The following XPR1 variants were observed in gnomAD, a reference collection of about 807,000 sequenced individuals.
XPR1 encodes xenotropic and polytropic retrovirus receptor 1.
In XPR1, 28 loss-of-function variants were observed where a neutral mutation model predicts 87.5. The observed-to-expected ratio is 0.32, with a 90% CI of 0.24 to 0.44. The LOEUF (loss-of-function observed/expected upper bound fraction) is 0.44, where lower values mean the gene tolerates loss of function less well. Ranked by LOEUF, XPR1 falls within the 20% of genes least tolerant of loss-of-function variation. XPR1 has a pLI of 1.00. For synonymous variants in XPR1, 300 were observed against 306.1 expected (o/e 0.98, Z 0.21); for missense variants, 559 against 862.3 (o/e 0.65, Z 4.41).
At chr1:180,727,862 A>G (rs1350024168) in intron 2 of XPR1, among the ~76,000 whole-genome samples, 1 of 152,184 alleles carries the variant, frequency 6.6e-6, no homozygotes, top group Non-Finnish European at 1.5e-5. Flanking sequence ...GTAAACTGTC[A>G]TGGTGCTGGT....
At chr1:180,645,127 A>T (rs1571672016) in intron 1 of XPR1, among the ~76,000 whole-genome samples, 1 of 152,232 alleles carries the variant, frequency 6.6e-6, no homozygotes, top group Non-Finnish European at 1.5e-5. Context: ...TCTCAGACAC[A>T]CTTTTAAGTC....
At chr1:180,756,354 C>T (rs1339830383) in intron 2 of XPR1, among the ~76,000 whole-genome samples, 1 of 152,210 alleles carries the variant, frequency 6.6e-6, no homozygotes, top group African/African-American at 2.4e-5. Flanking sequence ...CGTGATATCT[C>T]ATTGCAGTTT....
chr1:180,840,664 G>A (rs1027338481), intron 11 of XPR1, among the ~76,000 whole-genome samples: 6 of 150,284 alleles, frequency 4.0e-5, no homozygotes, highest in Non-Finnish European at 7.4e-5. Context: ...TAGATGGACC[G>A]TTGGTTATAT....
At chr1:180,645,142 G>T (rs1053191560) in intron 1 of XPR1, among the ~76,000 whole-genome samples, 2 of 152,212 alleles carry the variant, frequency 1.3e-5, no homozygotes, top group African/African-American at 4.8e-5. Context: ...TAAGTCCACC[G>T]TCATTTGTGA....
At chr1:180,873,660 A>C (rs1188998411) in intron 12 of XPR1, 143 bp from the exon 13 acceptor site, 7 of 921,734 alleles carry the variant, frequency 7.6e-6, no homozygotes. Flanking sequence ...ACTTCCCTGC[A>C]AAATAAAGTA....
intron 2 of XPR1, among the ~76,000 whole-genome samples, chr1:180,726,876 T>C (rs1658370576): frequency 6.6e-6 from 1 of 150,878 alleles, no homozygotes; most frequent in South Asian, 2.1e-4. Flanking sequence ...TATGTTTTCT[T>C]TCTTTTTTTT....
At chr1:180,686,527 T>C (rs1326059235) in intron 2 of XPR1, among the ~76,000 whole-genome samples, 3 of 152,194 alleles carry the variant, frequency 2.0e-5, no homozygotes, top group African/African-American at 7.2e-5. Context: ...CTGAGTTCAA[T>C]TCCTGGGTAT....
At chr1:180,761,584 C>T (rs1361523737) in intron 2 of XPR1, among the ~76,000 whole-genome samples, 1 of 152,178 alleles carries the variant, frequency 6.6e-6, no homozygotes, top group Admixed American at 6.5e-5. Flanking sequence ...CCATCTCACA[C>T]CAGTTAGAAT....
chr1:180,675,107 A>G (rs1177493962), intron 1 of XPR1, among the ~76,000 whole-genome samples: 1 of 152,236 alleles, frequency 6.6e-6, no homozygotes, highest in Admixed American at 6.5e-5. Context: ...TATCTGAGAC[A>G]TGTCTTAATC....
chr1:180,657,915 T>C (rs970171035), intron 1 of XPR1, among the ~76,000 whole-genome samples: 2 of 152,210 alleles, frequency 1.3e-5, no homozygotes, highest in African/African-American at 4.8e-5. Flanking sequence ...TTCCAATCCA[T>C]GAACATGGAA....
At chr1:180,716,499 C>G (rs1466921273) in intron 2 of XPR1, among the ~76,000 whole-genome samples, 1 of 152,126 alleles carries the variant, frequency 6.6e-6, no homozygotes, top group Admixed American at 6.6e-5. Context: ...TTGATATCCA[C>G]TCTTTATTAT....
intron 11 of XPR1, among the ~76,000 whole-genome samples, chr1:180,850,313 G>C (rs544507733): frequency 6.6e-6 from 1 of 152,230 alleles, no homozygotes; most frequent in African/African-American, 2.4e-5. Context: ...TGAAGAAAAC[G>C]TGGAAGAGAT....
chr1:180,721,639 A>G (rs927727527), intron 2 of XPR1, among the ~76,000 whole-genome samples: 1 of 152,138 alleles, frequency 6.6e-6, no homozygotes, highest in Non-Finnish European at 1.5e-5. Context: ...CATAGATGTG[A>G]TCTGTGCAGG....
intron 2 of XPR1, among the ~76,000 whole-genome samples, chr1:180,741,501 T>G (rs1206166662): frequency 6.6e-6 from 1 of 151,904 alleles, no homozygotes; most frequent in East Asian, 1.9e-4. Context: ...TTGTTTGTTT[T>G]TTTAGATAGA....
At chr1:180,677,311 C>G (rs937853575) in intron 1 of XPR1, among the ~76,000 whole-genome samples, 5 of 152,146 alleles carry the variant, frequency 3.3e-5, no homozygotes, top group African/African-American at 9.7e-5. Flanking sequence ...TACAGGAGAC[C>G]TGAGTTTTAT....
rs200044209 is a variant in XPR1, at chr1:180,744,650, C to CTTTTTTTTTTTTTTTTTTTTTTTTTTT, written c.122-43100_122-43099insTTTTTTTTTTTTTTTTTTTTTTTTTTT. Among the ~76,000 whole-genome samples the CTTTTTTTTTTTTTTTTTTTTTTTTTTT allele has an allele frequency of 6.1e-4, 35 of 56,960 alleles. 3 individuals are homozygous for CTTTTTTTTTTTTTTTTTTTTTTTTTTT. Among genetic ancestry groups the CTTTTTTTTTTTTTTTTTTTTTTTTTTT allele is most frequent in the African/African-American group, 1.8e-3 (30 of 17,142 alleles). The allele number at this position is 56,960 out of a possible 152,430, so 37.4% of individuals were successfully genotyped here. ...ACTTGTTCAGGTTTAGGCACAATTT[C>CTTTTTTTTTTTTTTTTTTTTTTTTTTT]TTTCTTTTTTTTTTTTTTGAGACAG... On this transcript the variant is annotated intron_variant, in intron 2 of 14. Coordinates refer to ENST00000367590, the MANE Select transcript of XPR1 (RefSeq NM_004736.4).
intron 11 of XPR1, among the ~76,000 whole-genome samples, chr1:180,840,428 T>A (rs991485240): frequency 6.6e-6 from 1 of 151,860 alleles, no homozygotes; most frequent in African/African-American, 2.4e-5. Context: ...ATAATCCTTA[T>A]GCCAAAGTTA....
At chr1:180,689,201 G>C (rs1656897002) in intron 2 of XPR1, among the ~76,000 whole-genome samples, 1 of 152,020 alleles carries the variant, frequency 6.6e-6, no homozygotes, top group African/African-American at 2.4e-5. Context: ...CCACTTTAAG[G>C]TTGCATGACT....
chr1:180,742,551 C>T (rs1235413903), intron 2 of XPR1, among the ~76,000 whole-genome samples: 1 of 152,066 alleles, frequency 6.6e-6, no homozygotes, highest in Non-Finnish European at 1.5e-5. Flanking sequence ...AGGATATAGT[C>T]TGTCTTGGTA....
Sources: allele counts gnomAD v4.1 joint callset (sites outside exome capture counted in the v4.1 genomes callset), GRCh38; gene constraint gnomAD v4.1.1; transcripts MANE v1.5; gene names NCBI Gene and HGNC (gene_info 2026-07-23, HGNC 2026-07-21).